CNTNAP2: variants seen among roughly 807,000 people sequenced by gnomAD.
CNTNAP2 encodes contactin-associated protein-like 2.
Under a neutral mutation model 155.2 loss-of-function variants are expected in CNTNAP2, and 98 were observed. The observed-to-expected ratio is 0.63, with a 90% CI of 0.54 to 0.75. The LOEUF (loss-of-function observed/expected upper bound fraction) is 0.75, where lower values mean the gene tolerates loss of function less well. Among genes scored for constraint, CNTNAP2 ranks in the 30% least tolerant of loss-of-function variants. CNTNAP2 has a pLI of 0.00. For missense variants in CNTNAP2, 1,727 were observed against 1,688.1 expected (o/e 1.02, Z -0.40); for synonymous variants, 651 against 631.2 (o/e 1.03, Z -0.47).
At chr7:147,601,950 C>T (rs1800955157) in intron 12 of CNTNAP2, among the ~76,000 whole-genome samples, 1 of 151,964 alleles carries the variant, frequency 6.6e-6, no homozygotes, top group African/African-American at 2.4e-5. Context: ...GTGTTTCCTA[C>T]AGTCTTGTTA....
intron 1 of CNTNAP2, among the ~76,000 whole-genome samples, chr7:146,551,406 G>A (rs1798120078): frequency 6.6e-6 from 1 of 151,710 alleles, no homozygotes. Flanking sequence ...TTTTGTCCTT[G>A]CGATAGTTTG....
intron 8 of CNTNAP2, among the ~76,000 whole-genome samples, chr7:147,210,929 C>T (rs1228856431): frequency 2.0e-5 from 3 of 151,280 alleles, no homozygotes; most frequent in African/African-American, 7.3e-5. Context: ...CCACTGTGAT[C>T]TGAGAGAGTA....
At chr7:147,673,035 T>C (rs1347189494) in intron 13 of CNTNAP2, 6 of 152,112 alleles carry the variant, frequency 3.9e-5, no homozygotes, top group Admixed American at 2.6e-4. Flanking sequence ...TCATTAACAG[T>C]CATTTTTATG....
intron 10 of CNTNAP2, among the ~76,000 whole-genome samples, chr7:147,407,796 G>A (rs555220691): frequency 2.0e-5 from 3 of 152,316 alleles, no homozygotes; most frequent in South Asian, 2.1e-4. Context: ...TATCAGCTGC[G>A]TGGTTAATGA....
intron 3 of CNTNAP2, among the ~76,000 whole-genome samples, chr7:146,863,328 C>G (rs1023673576): frequency 6.6e-6 from 1 of 151,932 alleles, no homozygotes; most frequent in Non-Finnish European, 1.5e-5. Flanking sequence ...GTTTATAAGC[C>G]TTATCTGCTT....
chr7:147,748,116 C>A (rs554675017), intron 13 of CNTNAP2, among the ~76,000 whole-genome samples: 1 of 152,296 alleles, frequency 6.6e-6, no homozygotes, highest in East Asian at 1.9e-4. Flanking sequence ...CAGAGTGCAT[C>A]AAGGTATGTG....
chr7:147,809,364 G>A (rs1424887858), intron 13 of CNTNAP2, among the ~76,000 whole-genome samples: 1 of 152,186 alleles, frequency 6.6e-6, no homozygotes, highest in Non-Finnish European at 1.5e-5. Flanking sequence ...ACAGTGCTGG[G>A]CACTAGTGCT....
At chr7:146,287,820 G>A (rs898518944) in intron 1 of CNTNAP2, among the ~76,000 whole-genome samples, 7 of 152,226 alleles carry the variant, frequency 4.6e-5, no homozygotes, top group Non-Finnish European at 1.0e-4. Flanking sequence ...TCTCATTTGA[G>A]CCTTGGAATT....
intron 3 of CNTNAP2, among the ~76,000 whole-genome samples, chr7:146,968,003 A>C (rs1032667938): frequency 2.1e-5 from 3 of 141,560 alleles, no homozygotes; most frequent in Admixed American, 2.1e-4. Context: ...TAATTTATTG[A>C]GAGTTTTTAG....
chr7:147,387,718 ATTGT>A (rs761828265), intron 9 of CNTNAP2, among the ~76,000 whole-genome samples: 2 of 152,270 alleles, frequency 1.3e-5, no homozygotes, highest in East Asian at 1.9e-4. Flanking sequence ...ATCCAATTAC[ATTGT>A]TTGTTATTTT....
chr7:147,797,541 C>T (rs190089990), intron 13 of CNTNAP2, among the ~76,000 whole-genome samples: 2 of 152,206 alleles, frequency 1.3e-5, no homozygotes, highest in East Asian at 3.9e-4. Flanking sequence ...ATATTACTTA[C>T]ATGGAATTTT....
rs567788996 is a variant in CNTNAP2, at chr7:148,082,395, G to A, written c.2384-35723G>A. 2.0e-5 allele frequency among the ~76,000 whole-genome samples: 3 copies of A among 152,320 alleles called. No individual in the cohort carries two copies. In the East Asian group the frequency reaches 5.8e-4, roughly 29 times the overall value. On this transcript the variant is annotated intron_variant, in intron 15 of 23. Transcript: ENST00000361727. Reference sequence around the variant, plus strand: ...AGCTAGTGAGGTTTTTCTCTTATGAGTTATGGGAGGAGCAACTTGGAGGGA... The same window carrying A: ...AGCTAGTGAGGTTTTTCTCTTATGAATTATGGGAGGAGCAACTTGGAGGGA...
At chr7:146,160,404 G>T (rs1221402416) in intron 1 of CNTNAP2, among the ~76,000 whole-genome samples, 1 of 152,160 alleles carries the variant, frequency 6.6e-6, no homozygotes, top group Non-Finnish European at 1.5e-5. Context: ...GAATCCAGGA[G>T]CTGGCTTTTT....
rs531413982 is a variant in CNTNAP2 at position 147,048,167 on chromosome 7, C to G, written c.550+4113C>G. On this transcript the variant is annotated intron_variant, in intron 4 of 23. Transcript: ENST00000361727. The stretch of plus-strand genomic sequence containing the variant: ...TCGGCTCACTGCAAGCTCTGCCTCC[C>G]GGGTTCACGCCATTCTCCTGGGGAG... 2.3e-3 allele frequency among the ~76,000 whole-genome samples: 342 copies of G among 150,252 alleles called. 2 individuals carry two copies. Among genetic ancestry groups the G allele is most frequent in the African/African-American group, 8.0e-3 (325 of 40,620 alleles).
chr7:148,403,579 C>T (rs1268760386), intron 22 of CNTNAP2, among the ~76,000 whole-genome samples: 1 of 152,166 alleles, frequency 6.6e-6, no homozygotes, highest in African/African-American at 2.4e-5. Context: ...TAAAATTGTT[C>T]AGCTCTCCCA....
At chr7:147,490,574 G>A (rs770151408) in intron 11 of CNTNAP2, among the ~76,000 whole-genome samples, 1 of 152,090 alleles carries the variant, frequency 6.6e-6, no homozygotes, top group Admixed American at 6.5e-5. Flanking sequence ...TACTAACATA[G>A]AGCATAAAGA....
At chr7:147,776,219 G>A (rs1797583307) in intron 13 of CNTNAP2, among the ~76,000 whole-genome samples, 1 of 149,752 alleles carries the variant, frequency 6.7e-6, no homozygotes. Flanking sequence ...CAAAGAACTG[G>A]ATTATTTATT....
At chr7:147,061,101 C>T (rs1479791010) in intron 4 of CNTNAP2, among the ~76,000 whole-genome samples, 2 of 137,030 alleles carry the variant, frequency 1.5e-5, no homozygotes, top group Admixed American at 6.8e-5. Flanking sequence ...AAGAGTTGAG[C>T]GGTGGGTGCC....
At chr7:147,998,600 G>A (rs1801848029) in intron 15 of CNTNAP2, among the ~76,000 whole-genome samples, 1 of 152,224 alleles carries the variant, frequency 6.6e-6, no homozygotes, top group African/African-American at 2.4e-5. Flanking sequence ...AATGAGTAAA[G>A]ACCATTTTCC....
Sources: gnomAD v4.1 joint callset for allele counts (sites outside exome capture counted in the v4.1 genomes callset) on GRCh38, gnomAD v4.1.1 for gene constraint, MANE v1.5 for transcripts, NCBI Gene and HGNC (gene_info 2026-07-23, HGNC 2026-07-21) for gene names.